Variants in GPC5 observed in about 807,000 individuals in gnomAD.
GPC5 encodes glypican-5.
A neutral mutation model predicts 53.9 loss-of-function variants in GPC5; 47 were observed. That is an observed-to-expected ratio of 0.87 (90% CI 0.69 to 1.11). The LOEUF (loss-of-function observed/expected upper bound fraction) is 1.11, where lower values mean the gene tolerates loss of function less well. Ranked by LOEUF, GPC5 falls within the 50% of genes most tolerant of loss-of-function variation. The probability of loss-of-function intolerance (pLI) is 0.00; values close to 1 mark genes in which losing one functional copy is unlikely to be tolerated. For synonymous variants in GPC5, 286 were observed against 263.3 expected (o/e 1.09, Z -0.84); for missense variants, 748 against 713.1 (o/e 1.05, Z -0.56).
chr13:92,737,566 A>T (rs1369846399), intron 7 of GPC5, among the ~76,000 whole-genome samples: 1 of 152,090 alleles, frequency 6.6e-6, no homozygotes, highest in Non-Finnish European at 1.5e-5. Flanking sequence ...TCAAATGGAT[A>T]TAACTTACAA....
intron 7 of GPC5, among the ~76,000 whole-genome samples, chr13:92,682,235 C>CA (rs1291513623): frequency 6.6e-6 from 1 of 152,148 alleles, no homozygotes; most frequent in African/African-American, 2.4e-5. Context: ...TCATCCCTTT[C>CA]AAAAATTTAT....
At chr13:91,699,881 T>A (rs561703679) in intron 3 of GPC5, among the ~76,000 whole-genome samples, 2 of 152,328 alleles carry the variant, frequency 1.3e-5, no homozygotes, top group Non-Finnish European at 2.9e-5. Context: ...TGTGGCCATA[T>A]TAAGTGTGTA....
At chr13:92,843,496 G>T (rs531578390) in intron 7 of GPC5, among the ~76,000 whole-genome samples, 105 of 152,174 alleles carry the variant, frequency 6.9e-4, no homozygotes, top group Middle Eastern at 3.4e-3. Flanking sequence ...TAAAGAAAAA[G>T]ATATTTCCAA....
At chr13:92,780,205 C>G (rs1354105250) in intron 7 of GPC5, among the ~76,000 whole-genome samples, 21 of 151,840 alleles carry the variant, frequency 1.4e-4, no homozygotes, top group Admixed American at 1.1e-3. Flanking sequence ...TAAAACTCTT[C>G]TTAGTAAAAT....
intron 2 of GPC5, among the ~76,000 whole-genome samples, chr13:91,621,620 A>G (rs1445907538): frequency 6.6e-6 from 1 of 151,908 alleles, no homozygotes; most frequent in African/African-American, 2.4e-5. Context: ...AACCAAAAAG[A>G]GAGTAAAATA....
At chr13:92,748,559 G>T (rs1594476318) in intron 7 of GPC5, among the ~76,000 whole-genome samples, 2 of 151,914 alleles carry the variant, frequency 1.3e-5, no homozygotes, top group Admixed American at 1.3e-4. Context: ...CTGACCTTGT[G>T]ATCCACCTGC....
chr13:92,681,168 A>T lies in GPC5; in HGVS notation c.1562-185114A>T, dbSNP rs140934439. Among the ~76,000 whole-genome samples the T allele has an allele frequency of 1.4e-3, 207 of 151,922 alleles. 1 individual carries two copies. The highest frequency in any genetic ancestry group is 4.8e-3 in the African/African-American group (197 of 41,412). On this transcript the variant is annotated intron_variant, in intron 7 of 7. Transcript: ENST00000377067. Reference sequence around the variant, plus strand: ...AAATCGACATGGCCTTCAGTAAGCGATTTACCTCCTCTGAATATCAATTGA... The same window carrying T: ...AAATCGACATGGCCTTCAGTAAGCGTTTTACCTCCTCTGAATATCAATTGA...
rs896135570 is a variant in GPC5 at position 92,787,712 on chromosome 13, G to GA, written c.1562-78561dup. Among the ~76,000 whole-genome samples, 17 of 133,318 alleles carry GA rather than the reference G, an allele frequency of 1.3e-4. No homozygotes were observed. In the East Asian group the frequency reaches 2.0e-3, roughly 16 times the overall value. 87.5% of individuals were successfully genotyped at this position (133,318 alleles called of 152,430 possible). A position where few individuals can be genotyped will look rare whatever the true frequency, so the allele number is the denominator to read the frequency against. On this transcript the variant is annotated intron_variant, in intron 7 of 7. Transcript: ENST00000377067. ...AAGAAAAGAAAGAAAGAAAGAAAAA[G>GA]AAAAAAAAATTGACTGGTCATGGGC...
intron 5 of GPC5, among the ~76,000 whole-genome samples, chr13:91,905,521 T>C (rs1172709571): frequency 6.6e-6 from 1 of 152,094 alleles, no homozygotes; most frequent in Non-Finnish European, 1.5e-5. Flanking sequence ...TTTTATCATG[T>C]CCAATGGATA....
At chr13:91,896,154 C>A in intron 5 of GPC5, among the ~76,000 whole-genome samples, 1 of 140,684 alleles carries the variant, frequency 7.1e-6, no homozygotes, top group Non-Finnish European at 1.5e-5. Flanking sequence ...GAGTCTCGCT[C>A]TATCATCCAG....
intron 2 of GPC5, among the ~76,000 whole-genome samples, chr13:91,688,753 T>C (rs771978483): frequency 9.9e-5 from 15 of 152,196 alleles, no homozygotes; most frequent in Admixed American, 2.0e-4. Context: ...CTATATGGTA[T>C]AGGTTCATCG....
At chr13:91,609,113 G>A (rs2033467429) in intron 2 of GPC5, among the ~76,000 whole-genome samples, 2 of 148,950 alleles carry the variant, frequency 1.3e-5, no homozygotes, top group South Asian at 2.2e-4. Flanking sequence ...CATATTAAGT[G>A]AGGTAAATAT....
At chr13:91,576,319 GTGTA>G (rs1413151531) in intron 2 of GPC5, among the ~76,000 whole-genome samples, 35 of 24,386 alleles carry the variant, frequency 1.4e-3, no homozygotes, top group Admixed American at 3.0e-3. Flanking sequence ...AATACACAAT[GTGTA>G]TATATATATA....
At chr13:92,055,850 T>C (rs1217827821) in intron 6 of GPC5, among the ~76,000 whole-genome samples, 1 of 152,196 alleles carries the variant, frequency 6.6e-6, no homozygotes, top group African/African-American at 2.4e-5. Flanking sequence ...CAAAGCATCG[T>C]TTGCATGACT....
intron 7 of GPC5, among the ~76,000 whole-genome samples, chr13:92,212,731 T>G (rs1381617815): frequency 6.6e-6 from 1 of 152,212 alleles, no homozygotes; most frequent in Non-Finnish European, 1.5e-5. Context: ...CCTCCACTAA[T>G]GTCCTCTGGG....
intron 2 of GPC5, among the ~76,000 whole-genome samples, chr13:91,583,437 T>C (rs2032445434): frequency 6.6e-6 from 1 of 152,054 alleles, no homozygotes; most frequent in African/African-American, 2.4e-5. Context: ...AAGACCGAAA[T>C]ATACCAACAA....
intron 5 of GPC5, among the ~76,000 whole-genome samples, chr13:91,776,033 A>G (rs2037706183): frequency 6.6e-6 from 1 of 152,214 alleles, no homozygotes; most frequent in African/African-American, 2.4e-5. Context: ...GTCAGTAGAA[A>G]TATGGGAATG....
At chr13:91,694,261 A>G (rs1403817259) in intron 3 of GPC5, among the ~76,000 whole-genome samples, 1 of 152,252 alleles carries the variant, frequency 6.6e-6, no homozygotes, top group Non-Finnish European at 1.5e-5. Context: ...TTTTGGGAAT[A>G]TAGGCATTAT....
At chr13:91,609,872 A>C (rs780941072) in intron 2 of GPC5, among the ~76,000 whole-genome samples, 19 of 152,336 alleles carry the variant, frequency 1.2e-4, no homozygotes, top group African/African-American at 4.3e-4. Flanking sequence ...ATGTTACATT[A>C]TCAGTACATT....
Sources: allele counts gnomAD v4.1 joint callset (sites outside exome capture counted in the v4.1 genomes callset), GRCh38; gene constraint gnomAD v4.1.1; transcripts MANE v1.5; gene names NCBI Gene and HGNC (gene_info 2026-07-23, HGNC 2026-07-21).